PRICKLE3: variants seen among roughly 807,000 people sequenced by gnomAD.
The protein encoded by PRICKLE3 is prickle planar cell polarity protein 3, also known as LIM domain only protein 6.
Under a neutral mutation model 33.8 loss-of-function variants are expected in PRICKLE3, and 17 were observed. That is an observed-to-expected ratio of 0.50 (90% CI 0.34 to 0.75). The LOEUF is 0.75. Ranked by LOEUF, PRICKLE3 falls within the 30% of genes least tolerant of loss-of-function variation. PRICKLE3 has a pLI of 0.01. For synonymous variants in PRICKLE3, 211 were observed against 219.6 expected, an observed-to-expected ratio of 0.96 and a Z score of 0.34; for missense variants, 573 against 576.7, an observed-to-expected ratio of 0.99 and a Z score of 0.07.
In PRICKLE3 at chrX:49,177,849, G is replaced by A. The variant is rs782594773; in HGVS notation, c.955+144C>T. 24 of 609,214 alleles carry A rather than the reference G, an allele frequency of 3.9e-5. No individual in the cohort carries two copies. In the Admixed American group the frequency reaches 4.5e-4, roughly 11 times the overall value. The allele number at this position is 609,214 out of a possible 1,213,427, so 50.2% of individuals were successfully genotyped here. The stretch of plus-strand genomic sequence containing the variant: ...TTGGGAGTGGGACTTGCAACCAAGC[G>A]TACAGGTCTATAGTGTTGGGGCTGG... On this transcript the variant is annotated intron_variant, in intron 7 of 8. Transcript: ENST00000599218.
chrX:49,177,914 C>A, intron 7 of PRICKLE3, 79 bp downstream of exon 7: 1 of 1,048,196 alleles, frequency 9.5e-7, no homozygotes, highest in Non-Finnish European at 1.3e-6. Flanking sequence ...GCCTGGAGGA[C>A]AGGAGGAGTC....
At position 49,178,487 on chromosome X, in the gene PRICKLE3, C is replaced by A; in HGVS notation, c.565-12G>T. 8.3e-7 allele frequency: 1 copy of A among 1,199,480 alleles called. No homozygotes were observed. On this transcript the variant is annotated splice_polypyrimidine_tract_variant and intron_variant, in intron 5 of 8. Coordinates refer to ENST00000599218, the MANE Select transcript of PRICKLE3 (RefSeq NM_006150.5). Reference sequence around the variant, plus strand: ...ATCTGCTTTCCGCACTGCCATGAGACAAGCACCAAGATGGTTACCATCACT... The same window carrying A: ...ATCTGCTTTCCGCACTGCCATGAGAAAAGCACCAAGATGGTTACCATCACT...
intron 1 of PRICKLE3, among the ~76,000 whole-genome samples, chrX:49,185,842 A>G (rs1431730495): frequency 2.0e-5 from 2 of 98,440 alleles, no homozygotes; most frequent in Non-Finnish European, 4.0e-5. Flanking sequence ...CGGAGGTTGC[A>G]GTGAGCGGAG....
intron 3 of PRICKLE3, among the ~76,000 whole-genome samples, chrX:49,181,649 T>TA (rs2065457109): frequency 1.4e-4 from 6 of 42,445 alleles, no homozygotes; most frequent in Non-Finnish European, 2.3e-4. Flanking sequence ...ATATATATAT[T>TA]AAATAATTAT....
Position 49,183,935 on chromosome X carries a change from G to T in PRICKLE3, c.129-18C>A. 1.7e-6 allele frequency: 2 copies of T among 1,197,868 alleles called. No individual in the cohort carries two copies. The highest frequency in any genetic ancestry group is 2.3e-6 in the Non-Finnish European group (2 of 886,821). On this transcript the variant is annotated intron_variant, in intron 2 of 8. Transcript: ENST00000599218. ...AGATCTTTCTGAGGGGGCCGGGATG[G>T]GGGTCAATTACTAAGGAGTTGCCCA...
intron 3 of PRICKLE3, 166 bp downstream of exon 3, chrX:49,183,568 G>T: frequency 9.2e-7 from 1 of 1,085,246 alleles, no homozygotes; most frequent in Non-Finnish European, 1.2e-6. Flanking sequence ...CAAGGTATGG[G>T]GGGCTGACCA....
At chrX:49,179,119 A>AG (rs1256387913) in intron 5 of PRICKLE3, 132 bp downstream of exon 5, 119 of 874,446 alleles carry the variant, frequency 1.4e-4, no homozygotes, top group Non-Finnish European at 1.8e-4. Context: ...CGCCCACAAG[A>AG]GGGGACCCTA....
At chrX:49,186,225 GACCCCC>G in intron 1 of PRICKLE3, 25 bp downstream of exon 1, 1 of 1,154,292 alleles carries the variant, frequency 8.7e-7, no homozygotes, top group Non-Finnish European at 1.2e-6. Context: ...GTTTACCCCC[GACCCCC>G]ACCGCTGCCC....
chrX:49,179,369 A>T lies in PRICKLE3; in HGVS notation c.446T>A (p.Leu149Gln). 2 of 1,210,441 alleles carry T rather than the reference A, an allele frequency of 1.7e-6. No homozygotes were observed. The highest frequency in any genetic ancestry group is 1.8e-5 in the South Asian group (1 of 56,766). Residue 149 changes from leucine (L) to glutamine (Q), a missense_variant, in exon 5 of 9, where the codon CTG (leucine) becomes CAG (glutamine). Physicochemically the swap from Leu to Gln is moderately radical, Grantham distance 113. Coordinates refer to ENST00000599218, the MANE Select transcript of PRICKLE3 (RefSeq NM_006150.5). ...HDSEAQYCTALEEEEKKELRA... is the reference protein window; with the variant it reads ...HDSEAQYCTAQEEEEKKELRA... The stretch of plus-strand genomic sequence containing the variant: ...GAGCTCTTTCTTTTCCTCCTCTTCC[A>T]GTGCTGTGCAGTACTGTGCCTGGGA...
chrX:49,181,614 T>TAC (rs1353260560), intron 3 of PRICKLE3, among the ~76,000 whole-genome samples: 887 of 28,403 alleles, frequency 0.031, 154 homozygotes, highest in African/African-American at 0.11. Context: ...TATATATATA[T>TAC]GTGTATATAT....
chrX:49,179,468 A>C, intron 4 of PRICKLE3, 80 bp from the exon 5 acceptor site: 2 of 1,149,981 alleles, frequency 1.7e-6, no homozygotes, highest in South Asian at 3.8e-5. Flanking sequence ...CATGCCCCGA[A>C]AGTTTACTTC....
chrX:49,176,612 G>A (rs868986139), intron 8 of PRICKLE3, among the ~76,000 whole-genome samples: 58 of 108,756 alleles, frequency 5.3e-4, no homozygotes, highest in African/African-American at 1.8e-3. Flanking sequence ...AAGGGTGACC[G>A]GCTGGAGAAG....
At chrX:49,183,375 T>C (rs2065466673) in intron 3 of PRICKLE3, among the ~76,000 whole-genome samples, 1 of 111,120 alleles carries the variant, frequency 9.0e-6, no homozygotes, top group South Asian at 3.8e-4. Flanking sequence ...CTGGGCAACA[T>C]AGGGAGACCC....
At chrX:49,184,019 A>T in intron 2 of PRICKLE3, 102 bp from the exon 3 acceptor site, 1 of 999,111 alleles carries the variant, frequency 1.0e-6, no homozygotes, top group Non-Finnish European at 1.3e-6. Flanking sequence ...GATTATCACC[A>T]CCAAAGGTCT....
At chrX:49,179,422 T>C in intron 4 of PRICKLE3, 34 bp from the exon 5 acceptor site, 1 of 1,201,379 alleles carries the variant, frequency 8.3e-7, no homozygotes, top group Middle Eastern at 2.3e-4. Flanking sequence ...GGCTCCTCCC[T>C]TGATGCCTGT....
In PRICKLE3 at chrX:49,175,153, A is replaced by G. The variant is rs2065408081; in HGVS notation, c.*520T>C. 5.2e-6 allele frequency: 1 copy of G among 190,679 alleles called. No homozygotes were observed. Among genetic ancestry groups the G allele is most frequent in the Non-Finnish European group, 9.7e-6 (1 of 102,680 alleles). 15.7% of individuals were successfully genotyped at this position (190,679 alleles called of 1,213,427 possible). The stretch of plus-strand genomic sequence containing the variant: ...AAATTTCAAGCATCAGGAGGGGGAA[A>G]TGGAGTGGAAACAGCTGGGGCAAGG... On this transcript the variant is annotated 3_prime_UTR_variant, in exon 9 of 9. Coordinates refer to ENST00000599218, the MANE Select transcript of PRICKLE3 (RefSeq NM_006150.5).
Position 49,175,082 on chromosome X carries a change from A to G in PRICKLE3, c.*591T>C. ...GGATAAATGAATAATAAACATTGTT[A>G]AAATATACGATAATGAATAAAGTAA... On this transcript the variant is annotated 3_prime_UTR_variant, in exon 9 of 9. Coordinates refer to ENST00000599218, the MANE Select transcript of PRICKLE3 (RefSeq NM_006150.5). The G allele has an allele frequency of 3.6e-6, 1 of 281,049 alleles. No individual in the cohort carries two copies. Among genetic ancestry groups the G allele is most frequent in the Non-Finnish European group, 6.3e-6 (1 of 158,357 alleles). 23.2% of individuals were successfully genotyped at this position (281,049 alleles called of 1,213,427 possible). A position where few individuals can be genotyped will look rare whatever the true frequency, so the allele number is the denominator to read the frequency against.
chrX:49,176,365 T>C (rs782428446), intron 8 of PRICKLE3, 100 bp from the exon 9 acceptor site: 7 of 600,361 alleles, frequency 1.2e-5, no homozygotes, highest in Non-Finnish European at 1.7e-5. Context: ...CCACTAAGAC[T>C]GGGAAAGTGG....
At chrX:49,181,386 G>GTATA (rs1319916584) in intron 3 of PRICKLE3, among the ~76,000 whole-genome samples, 3 of 87,725 alleles carry the variant, frequency 3.4e-5, no homozygotes, top group Admixed American at 1.3e-4. Context: ...ATATGTGTGT[G>GTATA]TGTATATATA....
Sources: allele counts gnomAD v4.1 joint callset (sites outside exome capture counted in the v4.1 genomes callset), GRCh38; gene constraint gnomAD v4.1.1; transcripts MANE v1.5; gene names NCBI Gene and HGNC (gene_info 2026-07-23, HGNC 2026-07-21).